The following TULP4 variants were observed in gnomAD, a reference collection of about 807,000 sequenced individuals.
The protein encoded by TULP4 is TUB like protein 4.
Under a neutral mutation model 129.0 loss-of-function variants are expected in TULP4, and 16 were observed. The observed-to-expected ratio is 0.12, with a 90% confidence interval of 0.08 to 0.19. The LOEUF is 0.19. Ranked by LOEUF, TULP4 falls within the 10% of genes least tolerant of loss-of-function variation. TULP4 has a pLI of 1.00. For synonymous variants in TULP4, 998 were observed against 854.0 expected (o/e 1.17, Z -2.94); for missense variants, 1,842 against 2,059.1 (o/e 0.89, Z 2.04).
rs1001887378 is a variant in TULP4, at chr6:158,511,288, C to G, written c.*4594C>G. The G allele has an allele frequency of 6.6e-6, 1 of 152,422 alleles. No individual in the cohort carries two copies. Among genetic ancestry groups the G allele is most frequent in the African/African-American group, 2.4e-5 (1 of 41,362 alleles). The allele number at this position is 152,422 out of a possible 1,614,324, so 9.4% of individuals were successfully genotyped here. A position where few individuals can be genotyped will look rare whatever the true frequency, so the allele number is the denominator to read the frequency against. On this transcript the variant is annotated 3_prime_UTR_variant, in exon 14 of 14. Coordinates refer to ENST00000367097, the MANE Select transcript of TULP4 (RefSeq NM_020245.5). ...CTGAAAAAGACACTGTATTATTTACCAAAGGGGTATTGTTTTTGCATTTGT... is the reference window on the plus strand; with the variant it reads ...CTGAAAAAGACACTGTATTATTTACGAAAGGGGTATTGTTTTTGCATTTGT...
intron 8 of TULP4, among the ~76,000 whole-genome samples, chr6:158,485,628 G>A (rs1780048396): frequency 6.6e-6 from 1 of 152,234 alleles, no homozygotes; most frequent in Non-Finnish European, 1.5e-5. Context: ...GTTTCAGCAG[G>A]CCAGATGGCC....
At chr6:158,491,536 A>G in intron 9 of TULP4, among the ~76,000 whole-genome samples, 1 of 149,972 alleles carries the variant, frequency 6.7e-6, no homozygotes, top group South Asian at 2.1e-4. Context: ...TCTGTTGCCC[A>G]GGCTGGCGTG....
chr6:158,367,904 C>G (rs1776961420), intron 1 of TULP4, among the ~76,000 whole-genome samples: 1 of 140,416 alleles, frequency 7.1e-6, no homozygotes. Flanking sequence ...ATGGTGAAAC[C>G]CTGTCTCTAC....
intron 8 of TULP4, among the ~76,000 whole-genome samples, chr6:158,487,294 G>T (rs1465469985): frequency 6.6e-6 from 1 of 151,968 alleles, no homozygotes; most frequent in Non-Finnish European, 1.5e-5. Flanking sequence ...CAAAAAATTA[G>T]CCAGCCATGG....
Position 158,502,276 on chromosome 6 carries a change from C to T in TULP4, c.2613C>T (p.Ser871=), listed in dbSNP as rs1320311788. Residue 871 remains serine (S), a synonymous_variant, in exon 13 of 14, where the codon TCC becomes TCT. Coordinates refer to ENST00000367097, the MANE Select transcript of TULP4 (RefSeq NM_020245.5). ...VDVCLKKGDF[S]LYPTSVHYQT... ...TGTGCTTGAAGAAGGGCGACTTCTC[C>T]CTCTACCCCACGTCAGTGCACTACC... is the stretch of plus-strand genomic sequence containing the variant. The T allele has an allele frequency of 3.7e-6, 6 of 1,611,626 alleles. No homozygotes were observed. The Admixed American group carries it at 6.7e-5, about 18-fold the overall frequency.
rs1259985095 is a variant in TULP4, at chr6:158,501,805, G to A, written c.2142G>A (p.Leu714=). Residue 714 remains leucine, a synonymous_variant, in exon 13 of 14, where the codon CTG becomes CTA. Transcript: ENST00000367097. ...TQSIGLVQSL[L]ANQNVQLDVL... ...GCATAGGGCTGGTGCAGTCCCTACT[G>A]GCCAATCAGAATGTGCAGCTAGATG... The A allele has an allele frequency of 6.2e-7, 1 of 1,613,970 alleles. No individual in the cohort carries two copies. The highest frequency in any genetic ancestry group is 8.5e-7 in the Non-Finnish European group (1 of 1,180,022).
At chr6:158,415,055 A>G (rs1401618159) in intron 2 of TULP4, among the ~76,000 whole-genome samples, 1 of 152,248 alleles carries the variant, frequency 6.6e-6, no homozygotes, top group Non-Finnish European at 1.5e-5. Context: ...AGATGCGTGT[A>G]TTCATAGTGT....
At chr6:158,261,476 T>C (rs1175919939) in intron 1 of TULP4, among the ~76,000 whole-genome samples, 1 of 152,166 alleles carries the variant, frequency 6.6e-6, no homozygotes, top group Non-Finnish European at 1.5e-5. Context: ...CTTAGGTAAT[T>C]GGGAGCAGTC....
chr6:158,351,437 A>G (rs1285831945), intron 1 of TULP4, among the ~76,000 whole-genome samples: 1 of 152,198 alleles, frequency 6.6e-6, no homozygotes, highest in East Asian at 1.9e-4. Flanking sequence ...CGTTTTTGCA[A>G]ATTAATCAAA....
chr6:158,356,124 A>ATT (rs1244795700), intron 1 of TULP4, among the ~76,000 whole-genome samples: 3 of 152,250 alleles, frequency 2.0e-5, no homozygotes, highest in African/African-American at 7.2e-5. Flanking sequence ...AATAAAGTTA[A>ATT]TTTTTAAAAT....
chr6:158,432,112 A>T (rs201804073), intron 3 of TULP4, among the ~76,000 whole-genome samples: 7,045 of 126,368 alleles, frequency 0.056, 160 homozygotes, highest in Non-Finnish European at 0.077. Flanking sequence ...AAAAAAAATT[A>T]AAAAAAAAAA....
chr6:158,380,297 A>C (rs1022537207), intron 1 of TULP4, among the ~76,000 whole-genome samples: 6 of 152,236 alleles, frequency 3.9e-5, no homozygotes, highest in African/African-American at 1.4e-4. Flanking sequence ...CAAACTGTAC[A>C]GTTCCCTTTG....
chr6:158,457,966 CTAAT>C (rs978697455), intron 5 of TULP4, among the ~76,000 whole-genome samples: 1 of 152,094 alleles, frequency 6.6e-6, no homozygotes, highest in Non-Finnish European at 1.5e-5. Context: ...ACACACTTTG[CTAAT>C]TAATTAGTTG....
At chr6:158,240,179 C>T (rs1441404112) in intron 1 of TULP4, among the ~76,000 whole-genome samples, 5 of 64,482 alleles carry the variant, frequency 7.8e-5, no homozygotes, top group African/African-American at 2.0e-4. Context: ...CTGTCCCCCC[C>T]ACCTCCCTCC....
chr6:158,381,436 T>G (rs1234882363), intron 1 of TULP4, among the ~76,000 whole-genome samples: 2 of 152,230 alleles, frequency 1.3e-5, no homozygotes, highest in Non-Finnish European at 2.9e-5. Context: ...TAGAGCCTTA[T>G]GGCAGTTCAG....
intron 3 of TULP4, among the ~76,000 whole-genome samples, chr6:158,432,422 C>T (rs981560220): frequency 1.3e-5 from 2 of 152,268 alleles, no homozygotes; most frequent in South Asian, 2.1e-4. Flanking sequence ...TGCAGGAAGC[C>T]GGATGAGTCT....
intron 1 of TULP4, among the ~76,000 whole-genome samples, chr6:158,319,745 GATAA>G (rs1454429663): frequency 6.6e-6 from 1 of 152,176 alleles, no homozygotes; most frequent in Non-Finnish European, 1.5e-5. Context: ...TAAATACTGT[GATAA>G]ATGTTTGTCT....
intron 1 of TULP4, among the ~76,000 whole-genome samples, chr6:158,340,317 A>C (rs781447649): frequency 6.6e-6 from 1 of 152,206 alleles, no homozygotes; most frequent in Non-Finnish European, 1.5e-5. Context: ...TGTTGAGTAT[A>C]ATCATATTTA....
At chr6:158,348,765 TG>T (rs1780382502) in intron 1 of TULP4, among the ~76,000 whole-genome samples, 1 of 90,838 alleles carries the variant, frequency 1.1e-5, no homozygotes, top group South Asian at 4.1e-4. Context: ...ATGGGGCAGC[TG>T]GGCAGAGGCG....
Sources: allele counts gnomAD v4.1 joint callset (sites outside exome capture counted in the v4.1 genomes callset), GRCh38; gene constraint gnomAD v4.1.1; transcripts MANE v1.5; gene names NCBI Gene and HGNC (gene_info 2026-07-23, HGNC 2026-07-21).